The following DTL variants were observed in gnomAD, a reference collection of about 807,000 sequenced individuals.
DTL encodes denticleless protein homolog.
A neutral mutation model predicts 87.0 loss-of-function variants in DTL; 46 were observed. That is an observed-to-expected ratio of 0.53 (90% CI 0.42 to 0.68). DTL has a LOEUF of 0.68. Ranked by LOEUF, DTL falls within the 30% of genes least tolerant of loss-of-function variation. The pLI is 0.00. For missense variants in DTL, 737 were observed against 869.4 expected (o/e 0.85, Z 1.91); for synonymous variants, 308 against 311.2 (o/e 0.99, Z 0.11).
chr1:212,055,064 T>G (rs950831194), intron 5 of DTL, among the ~76,000 whole-genome samples: 2 of 152,170 alleles, frequency 1.3e-5, no homozygotes, highest in Admixed American at 1.3e-4. Flanking sequence ...AATAGTGAGA[T>G]ATTATAGTGA....
At chr1:212,078,046 G>C in intron 11 of DTL, 127 bp from the exon 12 acceptor site, 1 of 510,268 alleles carries the variant, frequency 2.0e-6, no homozygotes, top group African/African-American at 2.0e-5. Context: ...CCTAACTATA[G>C]CTAGGCAGGT....
chr1:212,038,656 G>A (rs1436099744), intron 1 of DTL, among the ~76,000 whole-genome samples: 2 of 152,126 alleles, frequency 1.3e-5, no homozygotes, highest in African/African-American at 4.8e-5. Context: ...CTTCTTGTCT[G>A]GATTGTAAGA....
chr1:212,093,866 C>G (rs904569209), intron 13 of DTL, among the ~76,000 whole-genome samples: 2 of 152,128 alleles, frequency 1.3e-5, no homozygotes, highest in East Asian at 1.9e-4. Context: ...GGGATGGAGC[C>G]CTAGCCAGGG....
At chr1:212,077,397 C>CT (rs1428341921) in intron 11 of DTL, among the ~76,000 whole-genome samples, 1 of 152,062 alleles carries the variant, frequency 6.6e-6, no homozygotes, top group Non-Finnish European at 1.5e-5. Context: ...TGTGACCCTT[C>CT]TTTCTGCATT....
At chr1:212,045,596 T>G (rs1003962181) in intron 3 of DTL, among the ~76,000 whole-genome samples, 4 of 152,058 alleles carry the variant, frequency 2.6e-5, no homozygotes, top group Non-Finnish European at 4.4e-5. Context: ...GAAAACACAC[T>G]GGTGTCAAAG....
intron 13 of DTL, among the ~76,000 whole-genome samples, chr1:212,088,108 G>A (rs1185465477): frequency 6.6e-6 from 1 of 152,176 alleles, no homozygotes; most frequent in Non-Finnish European, 1.5e-5. Context: ...GATTCAATGG[G>A]ACTGGACCTG....
At chr1:212,061,450 G>T (rs1195720378) in intron 5 of DTL, among the ~76,000 whole-genome samples, 6 of 150,928 alleles carry the variant, frequency 4.0e-5, no homozygotes, top group Non-Finnish European at 8.8e-5. Flanking sequence ...TACACTGTTG[G>T]TGGAAATGTA....
chr1:212,036,830 C>T (rs1364136329), intron 1 of DTL, among the ~76,000 whole-genome samples: 1 of 152,126 alleles, frequency 6.6e-6, no homozygotes, highest in Non-Finnish European at 1.5e-5. Context: ...TCGACTATAG[C>T]CAGAGGTTCT....
intron 13 of DTL, among the ~76,000 whole-genome samples, chr1:212,094,483 G>GT (rs1478831431): frequency 1.3e-5 from 2 of 152,058 alleles, no homozygotes; most frequent in South Asian, 2.1e-4. Context: ...TACGAGTACC[G>GT]TGCTATTTGA....
At chr1:212,049,829 A>C (rs1042732747) in intron 5 of DTL, among the ~76,000 whole-genome samples, 6 of 152,036 alleles carry the variant, frequency 3.9e-5, no homozygotes, top group African/African-American at 1.4e-4. Context: ...TACCTAGTCT[A>C]TTTAGGTCAC....
chr1:212,042,993 G>A lies in DTL; in HGVS notation c.53G>A (p.Gly18Glu). 1 of 1,597,524 alleles carries A rather than the reference G, an allele frequency of 6.3e-7. No individual in the cohort carries two copies. The highest frequency in any genetic ancestry group is 8.5e-7 in the Non-Finnish European group (1 of 1,173,234). ...TCTATAAGGAATTATCTTGTTTTAG[G>A]ATGGTCTTCACAATACCCTCTTCAA... ...RQPQLGVLRN[G>E]WSSQYPLQSL... Residue 18 changes from glycine to glutamate, a missense_variant and splice_region_variant, in exon 2 of 15, where the codon GGA becomes GAA. Transcript: ENST00000366991.
In DTL at chr1:212,068,694, A is replaced by C. The variant is rs779070233; in HGVS notation, c.913A>C (p.Thr305Pro). 2 of 1,599,472 alleles carry C rather than the reference A, an allele frequency of 1.3e-6. No individual in the cohort carries two copies. The highest frequency in any genetic ancestry group is 1.7e-6 in the Non-Finnish European group (2 of 1,167,874). ...IYMFNMTGLK[T>P]SPVAIFNGHQ... Reference sequence around the variant, plus strand: ...CATGTTTAATATGACTGGGTTGAAGACTTCTCCAGGTAAGATATTAGTCAT... The same window carrying C: ...CATGTTTAATATGACTGGGTTGAAGCCTTCTCCAGGTAAGATATTAGTCAT... Residue 305 changes from threonine (T) to proline (P), a missense_variant, in exon 10 of 15, where the codon ACT becomes CCT. Coordinates refer to ENST00000366991, the MANE Select transcript of DTL (RefSeq NM_016448.4).
At chr1:212,068,141 A>G in intron 8 of DTL, 83 bp from the exon 9 acceptor site, 1 of 831,116 alleles carries the variant, frequency 1.2e-6, no homozygotes, top group South Asian at 1.7e-5. Context: ...AGTTAGATTA[A>G]AAGTCATTTC....
At chr1:212,044,465 G>A (rs1456552286) in intron 2 of DTL, among the ~76,000 whole-genome samples, 195 bp from the exon 3 acceptor site, 1 of 151,908 alleles carries the variant, frequency 6.6e-6, no homozygotes, top group Non-Finnish European at 1.5e-5. Context: ...TTAGCTGGGC[G>A]TGGTGGCGCA....
chr1:212,056,305 C>T (rs1668176034), intron 5 of DTL, among the ~76,000 whole-genome samples: 1 of 152,206 alleles, frequency 6.6e-6, no homozygotes, highest in African/African-American at 2.4e-5. Context: ...GACTGGCCCA[C>T]CTGGTATTTC....
intron 11 of DTL, among the ~76,000 whole-genome samples, chr1:212,076,250 T>C (rs1558084146): frequency 6.6e-6 from 1 of 152,302 alleles, no homozygotes; most frequent in East Asian, 1.9e-4. Context: ...AAGAATAGAA[T>C]TGCTGGGTCA....
Position 212,104,211 on chromosome 1 carries a change from A to C in DTL, c.*1271A>C, listed in dbSNP as rs1655705958. The C allele has an allele frequency of 9.0e-6, 1 of 110,658 alleles. No individual in the cohort carries two copies. The highest frequency in any genetic ancestry group is 9.5e-5 in the Admixed American group (1 of 10,582). The allele number at this position is 110,658 out of a possible 1,614,324, so 6.9% of individuals were successfully genotyped here. A position where few individuals can be genotyped will look rare whatever the true frequency, so the allele number is the denominator to read the frequency against. On this transcript the variant is annotated 3_prime_UTR_variant, in exon 15 of 15. Transcript: ENST00000366991. ...CTTAGAAGGGAGCCCCCTTCCAGTC[A>C]TGAAACTTCATTTGTTTTATCCATA... is the stretch of plus-strand genomic sequence containing the variant.
chr1:212,047,249 C>T (rs1160572376), intron 4 of DTL, 37 bp downstream of exon 4: 2 of 1,614,094 alleles, frequency 1.2e-6, no homozygotes, highest in Non-Finnish European at 1.7e-6. Context: ...TGGGTAAATA[C>T]TGATAAGGGA....
intron 13 of DTL, among the ~76,000 whole-genome samples, chr1:212,097,128 C>A (rs1338033868): frequency 6.6e-6 from 1 of 152,156 alleles, no homozygotes; most frequent in Non-Finnish European, 1.5e-5. Context: ...ATACAAAATT[C>A]TTGGCTGATA....
Sources: allele counts gnomAD v4.1 joint callset (sites outside exome capture counted in the v4.1 genomes callset), GRCh38; gene constraint gnomAD v4.1.1; transcripts MANE v1.5; gene names NCBI Gene and HGNC (gene_info 2026-07-23, HGNC 2026-07-21).